The following BRCC3 variants were observed in gnomAD, a reference collection of about 807,000 sequenced individuals.
The protein encoded by BRCC3 is lys-63-specific deubiquitinase BRCC36.
Under a neutral mutation model 28.0 loss-of-function variants are expected in BRCC3, and 15 were observed. The ratio of observed to expected loss-of-function variants is 0.54; its 90% CI spans 0.36 to 0.82. The LOEUF is 0.82. Among genes scored for constraint, BRCC3 ranks in the 40% least tolerant of loss-of-function variants. The pLI, the probability that BRCC3 is intolerant of heterozygous loss-of-function variation, is 0.01. For missense variants in BRCC3, 109 were observed against 225.9 expected (o/e 0.48, Z 3.32); for synonymous variants, 66 against 80.3 (o/e 0.82, Z 0.95).
chrX:155,090,603 G>A (rs1557295504), intron 6 of BRCC3, among the ~76,000 whole-genome samples, 181 bp from the exon 7 acceptor site: 2 of 112,178 alleles, frequency 1.8e-5, no homozygotes, highest in African/African-American at 6.5e-5. Flanking sequence ...ATGAGCAGAT[G>A]TTTGGTTGTG....
At chrX:155,073,142 T>G (rs782532312) in intron 2 of BRCC3, among the ~76,000 whole-genome samples, 8 of 111,549 alleles carry the variant, frequency 7.2e-5, no homozygotes, top group Non-Finnish European at 1.5e-4. Context: ...GTTCCCAGGA[T>G]TCCAGGAATT....
intron 3 of BRCC3, among the ~76,000 whole-genome samples, chrX:155,075,134 C>A (rs1433233602): frequency 8.9e-6 from 1 of 111,845 alleles, no homozygotes; most frequent in Non-Finnish European, 1.9e-5. Context: ...CCTTTTTTCT[C>A]TTTTGTGTTG....
At chrX:155,087,945 A>T (rs2074145357) in intron 5 of BRCC3, among the ~76,000 whole-genome samples, 1 of 112,402 alleles carries the variant, frequency 8.9e-6, no homozygotes, top group Non-Finnish European at 1.9e-5. Context: ...AATTACAAAA[A>T]CCCTATGAGA....
At chrX:155,101,202 A>C (rs1386235361) in intron 7 of BRCC3, among the ~76,000 whole-genome samples, 1 of 111,865 alleles carries the variant, frequency 8.9e-6, no homozygotes. Context: ...CCCAGCCTGT[A>C]TGAGGTATTA....
At chrX:155,097,802 C>T (rs782762733) in intron 7 of BRCC3, among the ~76,000 whole-genome samples, 1 of 111,679 alleles carries the variant, frequency 9.0e-6, no homozygotes, top group Non-Finnish European at 1.9e-5. Flanking sequence ...TCTCTCCATC[C>T]GGGTTAACAC....
At chrX:155,087,610 T>G (rs994324697) in intron 5 of BRCC3, among the ~76,000 whole-genome samples, 4 of 110,749 alleles carry the variant, frequency 3.6e-5, no homozygotes, top group Admixed American at 9.6e-5. Context: ...GGTAGAGAGA[T>G]AAAAGGACTG....
intron 7 of BRCC3, chrX:155,099,502 A>G: frequency 9.6e-7 from 1 of 1,042,454 alleles, no homozygotes; most frequent in South Asian, 2.5e-5. Context: ...AACTCAGTCA[A>G]GTGGCCATAC....
At position 155,090,830 on chromosome X, in the gene BRCC3, A is replaced by G. The variant is rs1557295539; in HGVS notation, c.539A>G (p.Lys180Arg). Residue 180 changes from lysine (K) to arginine (R), a missense_variant, in exon 7 of 11, where the codon AAG (lysine) becomes AGG (arginine). By Grantham distance (26) the Lys-to-Arg change is conservative. Coordinates refer to ENST00000330045, the MANE Select transcript of BRCC3 (RefSeq NM_001018055.3). ...TGCTTCCAATCCATACAGGCCCAAA[A>G]GAGTTCAGAGTAAGTATGAGAGAGA... Reference protein sequence around the residue: ...YTCFQSIQAQKSSEYERIEIP... With the variant: ...YTCFQSIQAQRSSEYERIEIP... 3 of 1,182,721 alleles carry G rather than the reference A, an allele frequency of 2.5e-6. No individual in the cohort carries two copies. The highest frequency in any genetic ancestry group is 1.1e-6 in the Non-Finnish European group (1 of 871,429).
Position 155,104,426 on chromosome X carries a change from C to T in BRCC3, c.549-11631C>T, listed in dbSNP as rs782782930. 2.7e-5 allele frequency among the ~76,000 whole-genome samples: 3 copies of T among 112,100 alleles called. No individual in the cohort carries two copies. In the South Asian group the frequency reaches 1.1e-3, roughly 41 times the overall value. On this transcript the variant is annotated intron_variant, in intron 7 of 10. Transcript: ENST00000330045. ...GTGTTTAATATAAGGTTCATTTTTT[C>T]CCCACTACTGAGGCAAGACCCTTTT... is the stretch of plus-strand genomic sequence containing the variant.
In BRCC3 at chrX:155,075,300, C is replaced by T. The variant is rs1557293397; in HGVS notation, c.195+1869C>T. Among the ~76,000 whole-genome samples, 33 of 104,615 alleles carry T rather than the reference C, an allele frequency of 3.2e-4. 1 individual carries two copies. Among genetic ancestry groups the T allele is most frequent in the Admixed American group, 2.3e-3 (24 of 10,311 alleles). 90.8% of individuals were successfully genotyped at this position (104,615 alleles called of 115,157 possible). ...GCTAAGCCCACTCTTTCCCCTGGCCCTTCTTGTTCTTCCCCACACTAAATG... is the reference window on the plus strand; with the variant it reads ...GCTAAGCCCACTCTTTCCCCTGGCCTTTCTTGTTCTTCCCCACACTAAATG... On this transcript the variant is annotated intron_variant, in intron 3 of 10. Coordinates refer to ENST00000330045, the MANE Select transcript of BRCC3 (RefSeq NM_001018055.3).
chrX:155,077,848 T>C (rs1198847258), intron 4 of BRCC3, among the ~76,000 whole-genome samples: 1 of 112,180 alleles, frequency 8.9e-6, no homozygotes, highest in Non-Finnish European at 1.9e-5. Flanking sequence ...ATCCCACTTT[T>C]GTTTTCTTCA....
intron 6 of BRCC3, among the ~76,000 whole-genome samples, chrX:155,089,681 C>T (rs2074162299): frequency 8.9e-6 from 1 of 111,754 alleles, no homozygotes. Flanking sequence ...CTGTCAGTCC[C>T]AGTTTTACCC....
At chrX:155,071,704 C>T (rs782690198) in intron 1 of BRCC3, 54 bp downstream of exon 1, 23 of 1,164,418 alleles carry the variant, frequency 2.0e-5, no homozygotes, top group Non-Finnish European at 2.6e-5. Flanking sequence ...CCAGTGTGTC[C>T]CCGGGGTGGG....
At chrX:155,075,368 C>T (rs1302230683) in intron 3 of BRCC3, among the ~76,000 whole-genome samples, 3 of 111,360 alleles carry the variant, frequency 2.7e-5, no homozygotes, top group African/African-American at 1.0e-4. Flanking sequence ...TGCTCCCTTT[C>T]TCCACACCTT....
At chrX:155,085,610 C>CTT (rs1557294698) in intron 5 of BRCC3, among the ~76,000 whole-genome samples, 2 of 112,664 alleles carry the variant, frequency 1.8e-5, no homozygotes. Context: ...CTTTTTATCC[C>CTT]TGGGTCTGAA....
chrX:155,077,240 G>A lies in BRCC3; in HGVS notation c.266G>A (p.Arg89Gln), dbSNP rs1557293751. 2 of 1,191,838 alleles carry A rather than the reference G, an allele frequency of 1.7e-6. No homozygotes were observed. The highest frequency in any genetic ancestry group is 1.1e-6 in the Non-Finnish European group (1 of 882,493). ...ILRRSDKRKD[R>Q]VEISPEQLSA... ...CGACGTTCTGATAAGAGGAAGGACC[G>A]AGTAGAAATTTCTCCAGAGCAGCTG... Residue 89 changes from arginine (R) to glutamine (Q), a missense_variant, in exon 4 of 11, where the codon CGA (arginine) becomes CAA (glutamine). This residue lies in a region of BRCC3 where 58 missense variants were observed against 92.8 expected (regional missense o/e 0.63). Coordinates refer to ENST00000330045, the MANE Select transcript of BRCC3 (RefSeq NM_001018055.3).
At chrX:155,077,499 C>A (rs1487536949) in intron 4 of BRCC3, among the ~76,000 whole-genome samples, 9 of 111,717 alleles carry the variant, frequency 8.1e-5, no homozygotes, top group Non-Finnish European at 1.5e-4. Context: ...CTCCTAAATG[C>A]CAAAAGATCT....
chrX:155,080,612 T>A lies in BRCC3; in HGVS notation c.403+1909T>A, dbSNP rs782125920. Reference sequence around the variant, plus strand: ...TATCCTACCTGAACAAGAATTAGAATATGCAATAAGGGCTATGTGTAAAGA... The same window carrying A: ...TATCCTACCTGAACAAGAATTAGAAAATGCAATAAGGGCTATGTGTAAAGA... On this transcript the variant is annotated intron_variant, in intron 5 of 10. Coordinates refer to ENST00000330045, the MANE Select transcript of BRCC3 (RefSeq NM_001018055.3). Among the ~76,000 whole-genome samples the A allele has an allele frequency of 4.4e-5, 5 of 112,414 alleles. No homozygotes were observed. The Admixed American group carries it at 4.7e-4, about 11-fold the overall frequency.
intron 5 of BRCC3, among the ~76,000 whole-genome samples, chrX:155,084,143 A>G (rs1326984216): frequency 8.9e-6 from 1 of 112,550 alleles, no homozygotes; most frequent in African/African-American, 3.2e-5. Flanking sequence ...TTACCTATAC[A>G]GTACACGTTT....
Sources: gnomAD v4.1 joint callset for allele counts (sites outside exome capture counted in the v4.1 genomes callset) on GRCh38, gnomAD v4.1.1 for gene constraint, gnomAD v4.1.1 regional missense constraint, MANE v1.5 for transcripts, NCBI Gene and HGNC (gene_info 2026-07-23, HGNC 2026-07-21) for gene names.